The following MRO variants were observed in gnomAD, a reference collection of about 807,000 sequenced individuals.
MRO encodes the protein protein maestro.
A neutral mutation model predicts 31.0 loss-of-function variants in MRO; 28 were observed. The observed-to-expected ratio is 0.90, with a 90% confidence interval of 0.67 to 1.24. The LOEUF (loss-of-function observed/expected upper bound fraction) is 1.24. Among genes scored for constraint, MRO ranks in the 50% most tolerant of loss-of-function variants. The pLI is 0.00. For missense variants in MRO, 332 were observed against 289.2 expected (o/e 1.15, Z -1.07); for synonymous variants, 108 against 108.4 (o/e 1.00, Z 0.02).
chr18:50,805,100 T>C lies in MRO; in HGVS notation c.429+54A>G, dbSNP rs1430803232. On this transcript the variant is annotated intron_variant, in intron 5 of 7. Transcript: ENST00000398439. The stretch of plus-strand genomic sequence containing the variant: ...GCCACCGCACCCGGCCCCACAGTCA[T>C]ATTTCTAAGCCCATTTTGATTTCAA... The C allele has an allele frequency of 1.9e-5, 29 of 1,494,086 alleles. No individual in the cohort carries two copies. In the Admixed American group the frequency reaches 4.8e-4, roughly 25 times the overall value. The allele number at this position is 1,494,086 out of a possible 1,614,324, so 92.6% of individuals were successfully genotyped here.
chr18:50,813,673 T>A (rs138779378), intron 2 of MRO, among the ~76,000 whole-genome samples: 74 of 152,356 alleles, frequency 4.9e-4, no homozygotes, highest in African/African-American at 1.7e-3. Flanking sequence ...AAAGGGATTT[T>A]AAAATTCACA....
At position 50,806,815 on chromosome 18, in the gene MRO, AG is replaced by A; in HGVS notation, c.134del (p.Pro45LeufsTer2). 6.2e-7 allele frequency: 1 copy of A among 1,614,164 alleles called. No individual in the cohort carries two copies. On this transcript the variant is annotated frameshift_variant, in exon 4 of 8. Transcript: ENST00000398439. LOFTEE classifies it high-confidence loss of function. ...SWKLRFQKRE[P>X]LKNVFFILAE... ...CCAAGATGAAAAACACATTCTTCAG[AG>A]GCTCCCGCTTCTGGAACCTCAGTTT... is the stretch of plus-strand genomic sequence containing the variant.
intron 3 of MRO, among the ~76,000 whole-genome samples, chr18:50,808,924 T>G (rs1046008558): frequency 1.3e-5 from 2 of 150,364 alleles, no homozygotes; most frequent in African/African-American, 4.9e-5. Flanking sequence ...GATCATGAGG[T>G]CAGGAGATCG....
upstream of MRO, among the ~76,000 whole-genome samples, chr18:50,824,676 G>A (rs746052118): frequency 4.0e-4 from 59 of 148,778 alleles, no homozygotes; most frequent in Middle Eastern, 7.1e-3. Context: ...GGCTGGTCTC[G>A]ATCTCCTGAC....
intron 7 of MRO, among the ~76,000 whole-genome samples, chr18:50,799,768 G>A (rs764812105): frequency 5.3e-5 from 8 of 152,114 alleles, no homozygotes; most frequent in African/African-American, 7.2e-5. Context: ...AAAATTAGCC[G>A]GGTGTGGTGG....
chr18:50,820,159 TA>T, upstream of MRO: 3 of 606,074 alleles, frequency 4.9e-6, no homozygotes, highest in South Asian at 5.9e-5. Context: ...CTTCCTTACA[TA>T]ATCCTGTTAG....
chr18:50,824,649 T>C (rs1599053699), upstream of MRO, among the ~76,000 whole-genome samples: 1 of 147,634 alleles, frequency 6.8e-6, no homozygotes, highest in South Asian at 2.2e-4. Flanking sequence ...AGAAACAGGG[T>C]TTCACCATGT....
At position 50,795,360 on chromosome 18, in the gene MRO, G is replaced by A. The variant is rs1598994689; in HGVS notation, c.*3977C>T. On this transcript the variant is annotated 3_prime_UTR_variant, in exon 8 of 8. Coordinates refer to ENST00000398439, the MANE Select transcript of MRO (RefSeq NM_031939.6). The stretch of plus-strand genomic sequence containing the variant: ...TTTTATAACTATGAAAGTAATACAT[G>A]CTCATTGCAGCAAACTTAGAAAATG... The A allele has an allele frequency of 6.6e-6, 1 of 152,106 alleles. No homozygotes were observed. Among genetic ancestry groups the A allele is most frequent in the Non-Finnish European group, 1.5e-5 (1 of 68,028 alleles). 9.4% of individuals were successfully genotyped at this position (152,106 alleles called of 1,614,324 possible).
intron 7 of MRO, among the ~76,000 whole-genome samples, 182 bp from the exon 8 acceptor site, chr18:50,799,572 G>T (rs1913092257): frequency 6.6e-6 from 1 of 152,098 alleles, no homozygotes; most frequent in African/African-American, 2.4e-5. Flanking sequence ...GATCCTCTAG[G>T]CGTTTTGCCA....
At chr18:50,819,855 C>G in intron 1 of MRO, 42 bp downstream of exon 1, 1 of 1,545,212 alleles carries the variant, frequency 6.5e-7, no homozygotes, top group Non-Finnish European at 8.8e-7. Context: ...TGGAATGAAA[C>G]CGACAAGAAT....
chr18:50,823,700 A>G (rs953758442), upstream of MRO: 1 of 154,300 alleles, frequency 6.5e-6, no homozygotes, highest in Non-Finnish European at 1.4e-5. Context: ...ATGCATACCC[A>G]AAAAACCACC....
chr18:50,818,005 C>T (rs1243006265), intron 2 of MRO, among the ~76,000 whole-genome samples: 1 of 135,978 alleles, frequency 7.4e-6, no homozygotes, highest in Non-Finnish European at 1.5e-5. Flanking sequence ...CCCCCCGCCC[C>T]ATGCCCTCCT....
chr18:50,806,325 T>C (rs966420025), intron 4 of MRO, among the ~76,000 whole-genome samples: 1 of 152,120 alleles, frequency 6.6e-6, no homozygotes, highest in Non-Finnish European at 1.5e-5. Flanking sequence ...GAGTGGCCTG[T>C]AGGCATCGAA....
upstream of MRO, chr18:50,824,117 A>T (rs1915411592): frequency 6.6e-6 from 1 of 152,260 alleles, no homozygotes; most frequent in African/African-American, 2.4e-5. Flanking sequence ...TGGCCTAGGA[A>T]TACATTCAGT....
At chr18:50,808,603 C>A (rs188477667) in intron 3 of MRO, among the ~76,000 whole-genome samples, 69 of 151,752 alleles carry the variant, frequency 4.5e-4, no homozygotes, top group African/African-American at 1.6e-3. Context: ...ACTACAGGTG[C>A]ATGCCACCAT....
chr18:50,812,696 A>G (rs1247962779), intron 2 of MRO, among the ~76,000 whole-genome samples: 2 of 152,176 alleles, frequency 1.3e-5, no homozygotes, highest in Non-Finnish European at 2.9e-5. Flanking sequence ...TATATAATAC[A>G]TGGTAGGGGT....
Position 50,806,831 on chromosome 18 carries a change from A to G in MRO, c.119T>C (p.Phe40Ser). The G allele has an allele frequency of 6.2e-7, 1 of 1,614,128 alleles. No homozygotes were observed. Among genetic ancestry groups the G allele is most frequent in the East Asian group, 2.2e-5 (1 of 44,864 alleles). The change falls in exon 4 of 8, where the codon TTC becomes TCC. Residue 40 changes from phenylalanine (F) to serine (S), a missense_variant. Coordinates refer to ENST00000398439, the MANE Select transcript of MRO (RefSeq NM_031939.6). ...ATTCTTCAGAGGCTCCCGCTTCTGGAACCTCAGTTTCCAAGAGACCTGGGT... is the reference window on the plus strand; with the variant it reads ...ATTCTTCAGAGGCTCCCGCTTCTGGGACCTCAGTTTCCAAGAGACCTGGGT... ...FFSKVSWKLR[F>S]QKREPLKNVF...
chr18:50,812,884 A>G (rs1234154762), intron 2 of MRO, among the ~76,000 whole-genome samples: 2 of 152,200 alleles, frequency 1.3e-5, no homozygotes, highest in Non-Finnish European at 2.9e-5. Context: ...CCCAGGCATC[A>G]GTATTTTTTA....
chr18:50,803,263 C>T (rs1913576140), intron 5 of MRO, among the ~76,000 whole-genome samples: 1 of 152,102 alleles, frequency 6.6e-6, no homozygotes, highest in Non-Finnish European at 1.5e-5. Flanking sequence ...AAATCCCAGC[C>T]CTTTGGGAGG....
Sources: allele counts gnomAD v4.1 joint callset (sites outside exome capture counted in the v4.1 genomes callset), GRCh38; gene constraint gnomAD v4.1.1; transcripts MANE v1.5; gene names NCBI Gene and HGNC (gene_info 2026-07-23, HGNC 2026-07-21).